BAIAP2L1: variants seen among roughly 807,000 people sequenced by gnomAD.
BAIAP2L1 encodes BAR/IMD domain-containing adapter protein 2-like 1.
BAIAP2L1 carries 35 observed loss-of-function variants against 66.3 expected under a neutral mutation model. The observed-to-expected ratio is 0.53, with a 90% CI of 0.40 to 0.70. BAIAP2L1 has a LOEUF of 0.70. BAIAP2L1 is among the 30% of genes least tolerant of loss of function. BAIAP2L1 has a pLI of 0.00. For synonymous variants in BAIAP2L1, 269 were observed against 248.7 expected, an observed-to-expected ratio of 1.08 and a Z score of -0.77; for missense variants, 622 against 656.9, an observed-to-expected ratio of 0.95 and a Z score of 0.58.
At chr7:98,379,062 C>T (rs1802698217) in intron 1 of BAIAP2L1, among the ~76,000 whole-genome samples, 1 of 152,028 alleles carries the variant, frequency 6.6e-6, no homozygotes. Context: ...ATCTCCTGAC[C>T]TCGTGATCTG....
chr7:98,314,743 C>T (rs1350110393), intron 7 of BAIAP2L1, among the ~76,000 whole-genome samples: 2 of 152,152 alleles, frequency 1.3e-5, no homozygotes, highest in African/African-American at 4.8e-5. Flanking sequence ...GACACGGACC[C>T]ATGAAGGGAG....
chr7:98,359,994 C>T (rs1004630966), intron 2 of BAIAP2L1, among the ~76,000 whole-genome samples: 1 of 151,288 alleles, frequency 6.6e-6, no homozygotes, highest in South Asian at 2.1e-4. Context: ...ATGATCTTGG[C>T]TCATTGCAAC....
chr7:98,368,325 C>T lies in BAIAP2L1; in HGVS notation c.52-5893G>A, dbSNP rs557738331. On this transcript the variant is annotated intron_variant, in intron 1 of 13. Transcript: ENST00000005260. ...TCCCAGCTGCTCAGGAGGCTGAGGCCGGAGAATTGCTTGAATCTGGGAGGC... is the reference window on the plus strand; with the variant it reads ...TCCCAGCTGCTCAGGAGGCTGAGGCTGGAGAATTGCTTGAATCTGGGAGGC... Among the ~76,000 whole-genome samples, 9 of 151,794 alleles carry T rather than the reference C, an allele frequency of 5.9e-5. No homozygotes were observed. In the South Asian group the frequency reaches 6.3e-4, roughly 11 times the overall value.
intron 9 of BAIAP2L1, 84 bp downstream of exon 9, chr7:98,310,361 C>T (rs572810697): frequency 1.4e-6 from 2 of 1,468,730 alleles, no homozygotes; most frequent in Non-Finnish European, 1.8e-6. Flanking sequence ...CCTTGCAATA[C>T]ATTTATACAA....
intron 12 of BAIAP2L1, among the ~76,000 whole-genome samples, 186 bp from the exon 13 acceptor site, chr7:98,294,297 T>G (rs544614541): frequency 6.6e-6 from 1 of 152,302 alleles, no homozygotes; most frequent in East Asian, 1.9e-4. Flanking sequence ...CTGGCCTGTA[T>G]TGGAGATTTT....
At chr7:98,305,043 TTTTG>T (rs1375325502) in intron 11 of BAIAP2L1, among the ~76,000 whole-genome samples, 6 of 123,618 alleles carry the variant, frequency 4.9e-5, no homozygotes, top group African/African-American at 2.3e-4. Flanking sequence ...TTTTTTTGTT[TTTTG>T]TTTTTTTTTT....
At chr7:98,301,682 C>T (rs770630444) in intron 12 of BAIAP2L1, among the ~76,000 whole-genome samples, 17 of 151,968 alleles carry the variant, frequency 1.1e-4, no homozygotes, top group East Asian at 3.9e-4. Context: ...TGTGTGCACA[C>T]GCGCGTCTGT....
At chr7:98,333,630 T>C (rs1562976803) in intron 3 of BAIAP2L1, among the ~76,000 whole-genome samples, 2 of 152,098 alleles carry the variant, frequency 1.3e-5, no homozygotes, top group Admixed American at 6.6e-5. Flanking sequence ...ATAAAATAAA[T>C]GAGCACACTG....
At chr7:98,368,231 C>T (rs1335650697) in intron 1 of BAIAP2L1, among the ~76,000 whole-genome samples, 6 of 151,992 alleles carry the variant, frequency 3.9e-5, no homozygotes, top group Non-Finnish European at 8.8e-5. Flanking sequence ...CCAGCCTGGC[C>T]AACATGGTGA....
intron 3 of BAIAP2L1, among the ~76,000 whole-genome samples, chr7:98,333,329 GGCTCAC>G (rs1801543627): frequency 6.6e-6 from 1 of 151,826 alleles, no homozygotes; most frequent in Admixed American, 6.6e-5. Flanking sequence ...CAGGTGCGGT[GGCTCAC>G]ACCTATAATC....
intron 9 of BAIAP2L1, chr7:98,309,799 CTG>C (rs1800803308): frequency 6.6e-6 from 1 of 151,576 alleles, no homozygotes; most frequent in Non-Finnish European, 1.5e-5. Context: ...GTGCTAAAGA[CTG>C]TGCAGAAGGA....
intron 3 of BAIAP2L1, among the ~76,000 whole-genome samples, chr7:98,349,918 A>G (rs543267230): frequency 2.6e-5 from 4 of 152,138 alleles, no homozygotes; most frequent in South Asian, 2.1e-4. Context: ...TTAGCCAGGC[A>G]TGGTGGCGCA....
chr7:98,291,962 GTGTGGACTGAATTCTCA>G lies in BAIAP2L1; in HGVS notation c.*1542_*1558del, dbSNP rs1394728991. Reference sequence around the variant, plus strand: ...AGTGGGGAACACGGCCATGGGGCTTGTGTGGACTGAATTCTCATGTGGCTGCAGCCCTTTCTGTAGTA... The same window carrying G: ...AGTGGGGAACACGGCCATGGGGCTTGTGTGGCTGCAGCCCTTTCTGTAGTA... On this transcript the variant is annotated 3_prime_UTR_variant, in exon 14 of 14. Coordinates refer to ENST00000005260, the MANE Select transcript of BAIAP2L1 (RefSeq NM_018842.5). 6.5e-6 allele frequency: 1 copy of G among 153,068 alleles called. No homozygotes were observed. Among genetic ancestry groups the G allele is most frequent in the Non-Finnish European group, 1.5e-5 (1 of 68,712 alleles). 9.5% of individuals were successfully genotyped at this position (153,068 alleles called of 1,614,324 possible).
chr7:98,318,569 A>ACGC (rs1458905038), intron 5 of BAIAP2L1, among the ~76,000 whole-genome samples: 1 of 150,210 alleles, frequency 6.7e-6, no homozygotes, highest in Non-Finnish European at 1.5e-5. Flanking sequence ...GTGAGCCACC[A>ACGC]CGCCCAGTGA....
chr7:98,296,370 A>G (rs894457080), intron 12 of BAIAP2L1, among the ~76,000 whole-genome samples: 1 of 152,226 alleles, frequency 6.6e-6, no homozygotes, highest in Admixed American at 6.5e-5. Context: ...TCATGCCTGT[A>G]ATCCCAGCAC....
chr7:98,391,704 G>A (rs1235424227), intron 1 of BAIAP2L1, among the ~76,000 whole-genome samples: 4 of 102,980 alleles, frequency 3.9e-5, no homozygotes, highest in Admixed American at 1.2e-4. Flanking sequence ...GTGAGACTCC[G>A]TCTCAAAAAA....
chr7:98,375,902 G>A (rs1802616110), intron 1 of BAIAP2L1, among the ~76,000 whole-genome samples: 1 of 152,110 alleles, frequency 6.6e-6, no homozygotes, highest in Non-Finnish European at 1.5e-5. Context: ...TCCCCTGGGG[G>A]AGCCACTAAT....
At chr7:98,299,675 G>A (rs1380013000) in intron 12 of BAIAP2L1, among the ~76,000 whole-genome samples, 1 of 152,190 alleles carries the variant, frequency 6.6e-6, no homozygotes, top group Non-Finnish European at 1.5e-5. Context: ...TTTTTAAATG[G>A]AACACTGTAC....
chr7:98,338,379 G>A (rs951567507), intron 3 of BAIAP2L1, among the ~76,000 whole-genome samples: 5 of 149,408 alleles, frequency 3.3e-5, no homozygotes, highest in East Asian at 2.0e-4. Flanking sequence ...CCGAGATTGC[G>A]CCACTGCACT....
Sources: gnomAD v4.1 joint callset for allele counts (sites outside exome capture counted in the v4.1 genomes callset) on GRCh38, gnomAD v4.1.1 for gene constraint, MANE v1.5 for transcripts, NCBI Gene and HGNC (gene_info 2026-07-23, HGNC 2026-07-21) for gene names.